The following SCN8A variants were observed in gnomAD, a reference collection of about 807,000 sequenced individuals.
SCN8A encodes sodium channel protein type 8 subunit alpha.
Under a neutral mutation model 184.1 loss-of-function variants are expected in SCN8A, and 30 were observed. The ratio of observed to expected loss-of-function variants is 0.16; its 90% confidence interval spans 0.12 to 0.22. SCN8A has a LOEUF of 0.22. SCN8A is among the 10% of genes least tolerant of loss of function. SCN8A has a pLI of 1.00. For synonymous variants in SCN8A, 852 were observed against 907.0 expected, an observed-to-expected ratio of 0.94 and a Z score of 1.09; for missense variants, 1,057 against 2,498.9, an observed-to-expected ratio of 0.42 and a Z score of 12.30.
chr12:51,652,255 T>A (rs1161939753), intron 1 of SCN8A, among the ~76,000 whole-genome samples: 1 of 152,138 alleles, frequency 6.6e-6, no homozygotes, highest in African/African-American at 2.4e-5. Context: ...ATATCTTACC[T>A]TCCTCTTTTA....
intron 1 of SCN8A, among the ~76,000 whole-genome samples, chr12:51,625,850 T>C (rs1039792630): frequency 6.6e-6 from 1 of 152,128 alleles, no homozygotes; most frequent in Non-Finnish European, 1.5e-5. Flanking sequence ...TAGGATTAAG[T>C]TGGGTTGGGT....
intron 1 of SCN8A, among the ~76,000 whole-genome samples, chr12:51,645,893 A>G (rs940166472): frequency 2.0e-5 from 3 of 147,536 alleles, no homozygotes; most frequent in Admixed American, 6.8e-5. Flanking sequence ...TCCCTCCACT[A>G]TTGTCCTGTG....
At chr12:51,771,843 G>A (rs928227928) in intron 19 of SCN8A, among the ~76,000 whole-genome samples, 1 of 152,136 alleles carries the variant, frequency 6.6e-6, no homozygotes, top group Non-Finnish European at 1.5e-5. Flanking sequence ...AGACTAAGCC[G>A]AGTGATTGGA....
intron 10 of SCN8A, 52 bp from the exon 11 acceptor site, chr12:51,706,370 G>A (rs898233845): frequency 2.7e-6 from 4 of 1,472,874 alleles, no homozygotes; most frequent in South Asian, 1.5e-5. Context: ...GGCTTTGGGT[G>A]GCTCCAGTTA....
At chr12:51,640,081 G>GT (rs374314744) in intron 1 of SCN8A, among the ~76,000 whole-genome samples, 3,685 of 133,964 alleles carry the variant, frequency 0.028, 57 homozygotes, top group African/African-American at 0.041. Flanking sequence ...TTTTTTTTAA[G>GT]TTTTTTTTTT....
chr12:51,626,773 G>T (rs1477542112), intron 1 of SCN8A, among the ~76,000 whole-genome samples: 1 of 150,492 alleles, frequency 6.6e-6, no homozygotes, highest in Admixed American at 6.6e-5. Flanking sequence ...TTGTTTTCTG[G>T]ATTTTTAAAA....
intron 22 of SCN8A, 149 bp downstream of exon 22, chr12:51,786,975 T>A (rs1404156697): frequency 6.6e-6 from 5 of 752,482 alleles, no homozygotes; most frequent in Non-Finnish European, 1.1e-5. Context: ...CAAACCAGTT[T>A]CAGAGAGATA....
chr12:51,729,569 C>T (rs2138797366), intron 12 of SCN8A, among the ~76,000 whole-genome samples: 1 of 152,056 alleles, frequency 6.6e-6, no homozygotes, highest in East Asian at 1.9e-4. Context: ...ATTCTCCTGT[C>T]GATAGATGTT....
intron 2 of SCN8A, among the ~76,000 whole-genome samples, chr12:51,673,672 G>A (rs1224878082): frequency 6.6e-6 from 1 of 152,214 alleles, no homozygotes; most frequent in Non-Finnish European, 1.5e-5. Context: ...TGTCTACCTT[G>A]TGCCAGATAG....
intron 20 of SCN8A, among the ~76,000 whole-genome samples, chr12:51,778,369 C>T (rs1371829662): frequency 2.0e-5 from 3 of 152,196 alleles, no homozygotes; most frequent in Non-Finnish European, 4.4e-5. Context: ...ACTGCAACCT[C>T]TGCCTCCTGG....
At chr12:51,790,571 C>G in intron 25 of SCN8A, 69 bp downstream of exon 25, 1 of 1,022,856 alleles carries the variant, frequency 9.8e-7, no homozygotes. Context: ...AGAGTTACTG[C>G]AAAGGAAGGA....
intron 15 of SCN8A, among the ~76,000 whole-genome samples, chr12:51,763,660 A>C (rs1942795296): frequency 6.6e-6 from 1 of 152,270 alleles, no homozygotes; most frequent in Admixed American, 6.5e-5. Flanking sequence ...ACTCTGAAAG[A>C]ATAGTTAATG....
At chr12:51,625,218 T>C (rs2138604590) in intron 1 of SCN8A, among the ~76,000 whole-genome samples, 1 of 152,362 alleles carries the variant, frequency 6.6e-6, no homozygotes, top group African/African-American at 2.4e-5. Flanking sequence ...CCCTGATAAC[T>C]AGTAATCTGT....
chr12:51,713,322 A>G (rs774958969), intron 11 of SCN8A: 2 of 1,095,914 alleles, frequency 1.8e-6, no homozygotes, highest in Non-Finnish European at 2.8e-6. Flanking sequence ...TGTGTGGTCA[A>G]GCACACATTG....
chr12:51,789,172 C>T, intron 23 of SCN8A, 109 bp from the exon 24 acceptor site: 2 of 1,200,752 alleles, frequency 1.7e-6, no homozygotes, highest in South Asian at 1.4e-5. Context: ...GGCTCTCCCA[C>T]CCCAAGATGT....
At position 51,808,981 on chromosome 12, in the gene SCN8A, G is replaced by A. The variant is rs777292174; in HGVS notation, c.*1552G>A. ...CTGAGGTAGAGATGGAGCCGCCTCTGAACCAAGCCCACTTGGTTTCTTTAC... is the reference window on the plus strand; with the variant it reads ...CTGAGGTAGAGATGGAGCCGCCTCTAAACCAAGCCCACTTGGTTTCTTTAC... On this transcript the variant is annotated 3_prime_UTR_variant, in exon 27 of 27. Coordinates refer to ENST00000627620, the MANE Select transcript of SCN8A (RefSeq NM_001330260.2). The A allele has an allele frequency of 6.6e-6, 1 of 152,182 alleles. No homozygotes were observed. The highest frequency in any genetic ancestry group is 1.5e-5 in the Non-Finnish European group (1 of 68,034). The allele number at this position is 152,182 out of a possible 1,614,324, so 9.4% of individuals were successfully genotyped here. A position where few individuals can be genotyped will look rare whatever the true frequency, so the allele number is the denominator to read the frequency against.
At position 51,626,424 on chromosome 12, in the gene SCN8A, G is replaced by T. The variant is rs370084343; in HGVS notation, c.-55+35065G>T. Among the ~76,000 whole-genome samples, 5 of 152,248 alleles carry T rather than the reference G, an allele frequency of 3.3e-5. No individual in the cohort carries two copies. The South Asian group carries it at 8.3e-4, about 25-fold the overall frequency. On this transcript the variant is annotated intron_variant, in intron 1 of 26. Transcript: ENST00000627620. ...ACGACCTTCCTGCATAGAGCTCTCCGTACCTACCAGTTGAATTATTTAATT... is the reference window on the plus strand; with the variant it reads ...ACGACCTTCCTGCATAGAGCTCTCCTTACCTACCAGTTGAATTATTTAATT...
At chr12:51,696,469 G>T (rs1382175982) in intron 6 of SCN8A, among the ~76,000 whole-genome samples, 3 of 152,096 alleles carry the variant, frequency 2.0e-5, no homozygotes, top group Non-Finnish European at 2.9e-5. Flanking sequence ...TTTCTTGATG[G>T]CTGCCTTCTA....
chr12:51,719,644 C>T (rs2138776613), intron 11 of SCN8A, among the ~76,000 whole-genome samples: 1 of 86,654 alleles, frequency 1.2e-5, no homozygotes, highest in East Asian at 3.2e-4. Context: ...TCAGCCTGGG[C>T]AACATAGAGA....
Sources: gnomAD v4.1 joint callset for allele counts (sites outside exome capture counted in the v4.1 genomes callset) on GRCh38, gnomAD v4.1.1 for gene constraint, MANE v1.5 for transcripts, NCBI Gene and HGNC (gene_info 2026-07-23, HGNC 2026-07-21) for gene names.